The following ATXN1 variants were observed in gnomAD, a reference collection of about 807,000 sequenced individuals.
The protein encoded by ATXN1 is ataxin-1.
In ATXN1, 8 loss-of-function variants were observed where a neutral mutation model predicts 56.4. That is an observed-to-expected ratio of 0.14 (90% CI 0.08 to 0.26). The LOEUF is 0.26. Ranked by LOEUF, ATXN1 falls within the 10% of genes least tolerant of loss-of-function variation. ATXN1 has a pLI of 1.00. For synonymous variants in ATXN1, 514 were observed against 494.6 expected (o/e 1.04, Z -0.52); for missense variants, 987 against 1,106.5 (o/e 0.89, Z 1.53).
chr6:16,719,514 G>A (rs537472983), intron 2 of ATXN1, among the ~76,000 whole-genome samples: 1 of 152,314 alleles, frequency 6.6e-6, no homozygotes, highest in African/African-American at 2.4e-5. Context: ...ACCCGACAGC[G>A]AATCTGCCAG....
chr6:16,637,142 T>C (rs963195745), intron 3 of ATXN1, among the ~76,000 whole-genome samples: 7 of 152,146 alleles, frequency 4.6e-5, no homozygotes, highest in Non-Finnish European at 7.4e-5. Context: ...GTGGCACATA[T>C]ACACCATGGA....
At chr6:16,378,299 G>A (rs982456315) in intron 6 of ATXN1, among the ~76,000 whole-genome samples, 1 of 152,172 alleles carries the variant, frequency 6.6e-6, no homozygotes, top group Non-Finnish European at 1.5e-5. Context: ...CTTAGATTTA[G>A]ATACCATGCT....
chr6:16,349,650 T>G (rs1761525003), intron 6 of ATXN1, among the ~76,000 whole-genome samples: 1 of 152,226 alleles, frequency 6.6e-6, no homozygotes, highest in Non-Finnish European at 1.5e-5. Context: ...TCACTTCCCT[T>G]CATGAGGCAT....
intron 2 of ATXN1, among the ~76,000 whole-genome samples, chr6:16,705,022 G>C (rs950988008): frequency 2.0e-5 from 3 of 152,162 alleles, no homozygotes; most frequent in Non-Finnish European, 4.4e-5. Flanking sequence ...TAATTGCAGA[G>C]ATTGGACCCA....
intron 4 of ATXN1, among the ~76,000 whole-genome samples, chr6:16,529,317 G>A (rs1020817476): frequency 2.0e-5 from 3 of 151,338 alleles, no homozygotes; most frequent in African/African-American, 4.9e-5. Flanking sequence ...CCAGGCAAGC[G>A]TTCTTCAGGC....
chr6:16,621,137 T>C (rs146814053), intron 3 of ATXN1, among the ~76,000 whole-genome samples: 1 of 152,336 alleles, frequency 6.6e-6, no homozygotes, highest in African/African-American at 2.4e-5. Context: ...GCAGCACCTG[T>C]TCGGAGCCCA....
chr6:16,533,666 C>T (rs937389407), intron 4 of ATXN1, among the ~76,000 whole-genome samples: 2 of 152,242 alleles, frequency 1.3e-5, no homozygotes, highest in African/African-American at 4.8e-5. Flanking sequence ...GCAAAGCCAA[C>T]CTATCTTTCA....
At chr6:16,622,852 TA>T (rs1367558113) in intron 3 of ATXN1, among the ~76,000 whole-genome samples, 15 of 152,278 alleles carry the variant, frequency 9.9e-5, no homozygotes, top group African/African-American at 3.4e-4. Context: ...CATGTCTTTC[TA>T]AGCTTCTAGC....
intron 5 of ATXN1, among the ~76,000 whole-genome samples, chr6:16,497,765 G>A (rs575928739): frequency 6.6e-6 from 1 of 152,294 alleles, no homozygotes; most frequent in East Asian, 1.9e-4. Flanking sequence ...TTCTGTTTGA[G>A]TTAACACAGA....
rs565433233 is a variant in ATXN1 at position 16,462,278 on chromosome 6, C to T, written c.-161+23694G>A. Among the ~76,000 whole-genome samples the T allele has an allele frequency of 2.0e-5, 3 of 152,186 alleles. No individual in the cohort carries two copies. The South Asian group carries it at 6.2e-4, about 32-fold the overall frequency. Reference sequence around the variant, plus strand: ...CATGCGAGTTAAACTTTGGACACCCCCTGAAGAACCTGTAGGACCATCAGC... The same window carrying T: ...CATGCGAGTTAAACTTTGGACACCCTCTGAAGAACCTGTAGGACCATCAGC... On this transcript the variant is annotated intron_variant, in intron 6 of 7. Transcript: ENST00000436367.
At chr6:16,648,974 A>G (rs1290184729) in intron 3 of ATXN1, among the ~76,000 whole-genome samples, 1 of 151,300 alleles carries the variant, frequency 6.6e-6, no homozygotes, top group Non-Finnish European at 1.5e-5. Flanking sequence ...GCATACATAT[A>G]TAATATAAAA....
rs1760049137 is a variant in ATXN1, at chr6:16,300,193, A to G, written c.*6136T>C. ...AAAACGTGGGTGAAGCCTCCAATGT[A>G]TCTGCAGTGGAAGACTTGAGTCCTT... On this transcript the variant is annotated 3_prime_UTR_variant, in exon 8 of 8. Coordinates refer to ENST00000436367, the MANE Select transcript of ATXN1 (RefSeq NM_001128164.2). 6.6e-6 allele frequency: 1 copy of G among 152,646 alleles called. No homozygotes were observed. Among genetic ancestry groups the G allele is most frequent in the African/African-American group, 2.4e-5 (1 of 41,458 alleles). The allele number at this position is 152,646 out of a possible 1,614,324, so 9.5% of individuals were successfully genotyped here. A position where few individuals can be genotyped will look rare whatever the true frequency, so the allele number is the denominator to read the frequency against.
chr6:16,747,405 G>T (rs1171681265), intron 2 of ATXN1, among the ~76,000 whole-genome samples: 1 of 152,132 alleles, frequency 6.6e-6, no homozygotes, highest in Admixed American at 6.6e-5. Flanking sequence ...AGAAAATAAA[G>T]AGGGAATTAC....
At chr6:16,532,716 C>A (rs1415163213) in intron 4 of ATXN1, among the ~76,000 whole-genome samples, 1 of 152,090 alleles carries the variant, frequency 6.6e-6, no homozygotes, top group Non-Finnish European at 1.5e-5. Context: ...AAAAAAACAA[C>A]CCCCAAAACA....
At chr6:16,464,607 G>GGAACCGGT (rs1446103638) in intron 6 of ATXN1, among the ~76,000 whole-genome samples, 1 of 152,104 alleles carries the variant, frequency 6.6e-6, no homozygotes, top group Non-Finnish European at 1.5e-5. Flanking sequence ...CCCACCGGTA[G>GGAACCGGT]GAACCAACTC....
intron 6 of ATXN1, among the ~76,000 whole-genome samples, chr6:16,461,603 C>T (rs959286117): frequency 6.6e-6 from 1 of 152,154 alleles, no homozygotes; most frequent in Non-Finnish European, 1.5e-5. Context: ...TGTTGACCAA[C>T]CAAATTGGAT....
At chr6:16,324,897 T>C (rs1760766172) in intron 7 of ATXN1, among the ~76,000 whole-genome samples, 1 of 152,194 alleles carries the variant, frequency 6.6e-6, no homozygotes, top group African/African-American at 2.4e-5. Flanking sequence ...AACCACGCTT[T>C]TATTTTCTGA....
At chr6:16,513,999 C>T (rs1189731698) in intron 5 of ATXN1, among the ~76,000 whole-genome samples, 3 of 152,156 alleles carry the variant, frequency 2.0e-5, no homozygotes, top group Non-Finnish European at 4.4e-5. Flanking sequence ...TCCCAGGGAG[C>T]TCAGGAGCTC....
At chr6:16,375,927 A>G (rs941669654) in intron 6 of ATXN1, among the ~76,000 whole-genome samples, 13 of 152,260 alleles carry the variant, frequency 8.5e-5, no homozygotes, top group Admixed American at 7.2e-4. Flanking sequence ...TCAATTACCT[A>G]CAGATTTCCC....
Sources: gnomAD v4.1 joint callset for allele counts (sites outside exome capture counted in the v4.1 genomes callset) on GRCh38, gnomAD v4.1.1 for gene constraint, MANE v1.5 for transcripts, NCBI Gene and HGNC (gene_info 2026-07-23, HGNC 2026-07-21) for gene names.